The following BCKDHB variants were observed in gnomAD, a reference collection of about 807,000 sequenced individuals.
BCKDHB encodes 2-oxoisovalerate dehydrogenase subunit beta, mitochondrial.
BCKDHB carries 41 observed loss-of-function variants against 48.5 expected under a neutral mutation model. That is an observed-to-expected ratio of 0.85 (90% CI 0.66 to 1.10). The LOEUF is 1.10. Among genes scored for constraint, BCKDHB ranks in the 50% least tolerant of loss-of-function variants. The pLI is 0.00. For synonymous variants in BCKDHB, 201 were observed against 174.8 expected (o/e 1.15, Z -1.18); for missense variants, 496 against 494.2 (o/e 1.00, Z -0.03).
At chr6:80,229,001 A>G (rs1207584564) in intron 8 of BCKDHB, among the ~76,000 whole-genome samples, 2 of 152,192 alleles carry the variant, frequency 1.3e-5, no homozygotes, top group Non-Finnish European at 2.9e-5. Context: ...CTGAAACACA[A>G]CAGAAGACAT....
chr6:80,466,609 T>A, the BCKDHB span, among the ~76,000 whole-genome samples: 1 of 152,186 alleles, frequency 6.6e-6, no homozygotes, highest in Non-Finnish European at 1.5e-5. Flanking sequence ...AAACATCACA[T>A]TGTATGCTTT....
rs1774267936 is a variant in BCKDHB, at chr6:80,199,192, G to A, written c.743-1742G>A. 2.0e-5 allele frequency among the ~76,000 whole-genome samples: 3 copies of A among 152,002 alleles called. No individual in the cohort carries two copies. The South Asian group carries it at 6.2e-4, about 32-fold the overall frequency. ...ACTTCTGTAGTGGACAAAGGGCCCT[G>A]CCTCCTAAGGTAGGGGATTTACCAA... On this transcript the variant is annotated intron_variant, in intron 6 of 9. Transcript: ENST00000320393.
chr6:80,135,739 G>C (rs187032917), intron 3 of BCKDHB: 4 of 151,944 alleles, frequency 2.6e-5, no homozygotes, highest in Non-Finnish European at 5.9e-5. Context: ...GTACATTCAC[G>C]TTGTGGTGCA....
intron 3 of BCKDHB, among the ~76,000 whole-genome samples, chr6:80,156,325 A>G (rs971837370): frequency 6.6e-6 from 1 of 151,980 alleles, no homozygotes; most frequent in African/African-American, 2.4e-5. Flanking sequence ...ACTACTTCAT[A>G]TTATCTGAAG....
At chr6:80,460,132 A>G in the BCKDHB span, among the ~76,000 whole-genome samples, 1 of 152,188 alleles carries the variant, frequency 6.6e-6, no homozygotes, top group Admixed American at 6.5e-5. Flanking sequence ...TTCAAGATAT[A>G]TCTAAATGAT....
At chr6:80,411,191 T>C in the BCKDHB span, among the ~76,000 whole-genome samples, 1 of 152,196 alleles carries the variant, frequency 6.6e-6, no homozygotes, top group Non-Finnish European at 1.5e-5. Flanking sequence ...GTTTTCCTTC[T>C]AACAGGCCCC....
At chr6:80,362,164 C>T in the BCKDHB span, among the ~76,000 whole-genome samples, 1 of 152,006 alleles carries the variant, frequency 6.6e-6, no homozygotes, top group African/African-American at 2.4e-5. Context: ...CTGAGGCAGC[C>T]CTGGGAAAGC....
At position 80,106,715 on chromosome 6, in the gene BCKDHB, G is replaced by C. The variant is rs761571966; in HGVS notation, c.22G>C (p.Ala8Pro). Residue 8 changes from alanine to proline, a missense_variant, in exon 1 of 10, where the codon GCC (alanine) becomes CCC (proline). Transcript: ENST00000320393. ...GGGGATGGCGGTTGTAGCGGCGGCT[G>C]CCGGCTGGCTACTCAGGCTCAGGGC... The part of the protein sequence containing the change: MAVVAAA[A>P]GWLLRLRAAG... The C allele has an allele frequency of 1.9e-6, 3 of 1,551,936 alleles. No homozygotes were observed. Among genetic ancestry groups the C allele is most frequent in the Non-Finnish European group, 2.6e-6 (3 of 1,148,518 alleles).
intron 5 of BCKDHB, among the ~76,000 whole-genome samples, chr6:80,170,880 A>T (rs1772879177): frequency 6.6e-6 from 1 of 152,220 alleles, no homozygotes; most frequent in African/African-American, 2.4e-5. Flanking sequence ...AAACTGGAGA[A>T]GAGAGTTGCA....
chr6:80,237,802 G>C (rs1002128900), intron 8 of BCKDHB, among the ~76,000 whole-genome samples: 3 of 152,064 alleles, frequency 2.0e-5, no homozygotes, highest in Non-Finnish European at 2.9e-5. Context: ...ACATGACAAG[G>C]TTCTCAGAAT....
the BCKDHB span, among the ~76,000 whole-genome samples, chr6:80,377,679 C>T: frequency 2.1e-4 from 32 of 152,086 alleles, no homozygotes; most frequent in Admixed American, 7.2e-4. Context: ...AAAGTTATTC[C>T]GTTAGTCTAT....
the BCKDHB span, among the ~76,000 whole-genome samples, chr6:80,442,487 C>A: frequency 6.6e-6 from 1 of 152,038 alleles, no homozygotes; most frequent in Non-Finnish European, 1.5e-5. Flanking sequence ...TATATATCAA[C>A]TGTATAGTTA....
intron 9 of BCKDHB, among the ~76,000 whole-genome samples, chr6:80,306,118 G>A (rs186398170): frequency 3.3e-5 from 5 of 152,288 alleles, no homozygotes; most frequent in Admixed American, 6.5e-5. Flanking sequence ...TGCTCAGCAA[G>A]TATTAGCTCT....
intron 3 of BCKDHB, among the ~76,000 whole-genome samples, chr6:80,138,628 A>G (rs1771019363): frequency 6.6e-6 from 1 of 152,226 alleles, no homozygotes; most frequent in South Asian, 2.1e-4. Context: ...TGAACTCATC[A>G]TTTTTTATGG....
chr6:80,396,988 G>A, the BCKDHB span, among the ~76,000 whole-genome samples: 1 of 152,164 alleles, frequency 6.6e-6, no homozygotes, highest in Non-Finnish European at 1.5e-5. Flanking sequence ...TCACAGTTGT[G>A]TATGTTGTAT....
intron 9 of BCKDHB, among the ~76,000 whole-genome samples, chr6:80,288,411 C>G (rs1353495768): frequency 2.6e-5 from 4 of 151,986 alleles, no homozygotes; most frequent in African/African-American, 9.7e-5. Flanking sequence ...TGTTTAATGG[C>G]ATACTGACAT....
chr6:80,244,683 C>A (rs1776533891), intron 8 of BCKDHB, among the ~76,000 whole-genome samples: 1 of 152,040 alleles, frequency 6.6e-6, no homozygotes, highest in African/African-American at 2.4e-5. Flanking sequence ...TCTTTTCGAG[C>A]AAAATGGTAG....
At chr6:80,392,909 A>G in the BCKDHB span, among the ~76,000 whole-genome samples, 2 of 148,062 alleles carry the variant, frequency 1.4e-5, no homozygotes, top group East Asian at 3.9e-4. Flanking sequence ...AGTCTAAATA[A>G]CATACTTATG....
the BCKDHB span, among the ~76,000 whole-genome samples, chr6:80,353,091 T>C: frequency 6.6e-6 from 1 of 152,188 alleles, no homozygotes; most frequent in East Asian, 1.9e-4. Flanking sequence ...CCATTCTCTA[T>C]TATTCCACTC....
Sources: gnomAD v4.1 joint callset for allele counts (sites outside exome capture counted in the v4.1 genomes callset) on GRCh38, gnomAD v4.1.1 for gene constraint, MANE v1.5 for transcripts, NCBI Gene and HGNC (gene_info 2026-07-23, HGNC 2026-07-21) for gene names.